The following TMEM63A variants were observed in gnomAD, a reference collection of about 807,000 sequenced individuals.
TMEM63A encodes the protein transmembrane protein 63A.
Under a neutral mutation model 100.6 loss-of-function variants are expected in TMEM63A, and 76 were observed. The observed-to-expected ratio is 0.76, with a 90% CI of 0.63 to 0.91. The LOEUF (loss-of-function observed/expected upper bound fraction) is 0.91. TMEM63A is among the 40% of genes least tolerant of loss of function. The pLI, the probability that TMEM63A is intolerant of heterozygous loss-of-function variation, is 0.00. For synonymous variants in TMEM63A, 401 were observed against 401.1 expected (o/e 1.00, Z 0.00); for missense variants, 876 against 1,008.8 (o/e 0.87, Z 1.78).
chr1:225,854,453 G>A (rs1465521729), intron 18 of TMEM63A, among the ~76,000 whole-genome samples: 6 of 152,172 alleles, frequency 3.9e-5, no homozygotes, highest in Non-Finnish European at 8.8e-5. Context: ...CTACTTTAGA[G>A]AGAGTTGTCA....
chr1:225,860,840 T>A lies in TMEM63A; in HGVS notation c.1223+20A>T. 6.3e-7 allele frequency: 1 copy of A among 1,585,274 alleles called. No homozygotes were observed. The highest frequency in any genetic ancestry group is 1.1e-5 in the South Asian group (1 of 87,376). On this transcript the variant is annotated intron_variant, in intron 14 of 24. Coordinates refer to ENST00000366835, the MANE Select transcript of TMEM63A (RefSeq NM_014698.3). ...GGAACCCAGGCCTCTCTCCCACCTC[T>A]CCTTGGTCTAGGAGCTTACCAGCAG...
Position 225,853,502 on chromosome 1 carries a change from T to C in TMEM63A, c.1797+127A>G. 1 of 1,006,440 alleles carries C rather than the reference T, an allele frequency of 9.9e-7. No homozygotes were observed. The highest frequency in any genetic ancestry group is 1.4e-6 in the Non-Finnish European group (1 of 716,986). 62.3% of individuals were successfully genotyped at this position (1,006,440 alleles called of 1,614,324 possible). The stretch of plus-strand genomic sequence containing the variant: ...TTTGAGAAGCACTTAGCCCAGTGCC[T>C]GCACTAGTGGGTAGTCAGGTAAATG... On this transcript the variant is annotated intron_variant, in intron 19 of 24. Transcript: ENST00000366835. This position sits in a 1 kb window ranked among gnomAD's most constrained non-coding sequence, Gnocchi z 4.0.
Position 225,857,037 on chromosome 1 carries a change from CAG to C in TMEM63A, c.1378-22_1378-21del, listed in dbSNP as rs1442699318. 5.1e-6 allele frequency: 8 copies of C among 1,554,592 alleles called. No homozygotes were observed. In the African/African-American group the frequency reaches 5.6e-5, roughly 11 times the overall value. ...CGGGTTCTAGGAGAAAGGTCCACAGCAGAGAGAGTCACAGGGGCCGTGGGCCA... is the reference window on the plus strand; with the variant it reads ...CGGGTTCTAGGAGAAAGGTCCACAGCAGAGAGTCACAGGGGCCGTGGGCCA... On this transcript the variant is annotated intron_variant, in intron 15 of 24. Transcript: ENST00000366835.
rs942669306 is a variant in TMEM63A, at chr1:225,852,732, G to A, written c.1835C>T (p.Ala612Val). The A allele has an allele frequency of 6.2e-7, 1 of 1,613,922 alleles. No individual in the cohort carries two copies. Among genetic ancestry groups the A allele is most frequent in the African/African-American group, 1.3e-5 (1 of 74,934 alleles). ...GACAGTGAAGACACACAGCATCCAT[G>A]CATACATGGCTCCAAACTCGTACTG... is the stretch of plus-strand genomic sequence containing the variant. ...AFQYEFGAMY[A>V]WMLCVFTVIV... is the part of the protein sequence containing the mutation. The change falls in exon 20 of 25, where the codon GCA becomes GTA. Residue 612 changes from alanine (A) to valine (V), a missense_variant. By Grantham distance (64) the Ala-to-Val change is moderately conservative (BLOSUM62 0). This residue lies in a region of TMEM63A where 339 missense variants were observed against 342.3 expected (regional missense o/e 0.99). Coordinates refer to ENST00000366835, the MANE Select transcript of TMEM63A (RefSeq NM_014698.3).
chr1:225,851,411 T>C (rs1669335254), intron 20 of TMEM63A, among the ~76,000 whole-genome samples: 1 of 152,084 alleles, frequency 6.6e-6, no homozygotes, highest in Non-Finnish European at 1.5e-5. Context: ...CGCTCATTGG[T>C]CAGGCTGGAG....
chr1:225,852,546 T>C (rs1669399196), intron 20 of TMEM63A, 118 bp downstream of exon 20: 1 of 877,566 alleles, frequency 1.1e-6, no homozygotes, highest in South Asian at 1.5e-5. Context: ...CTTGTGGCTC[T>C]TGTGGCTGTG....
intron 20 of TMEM63A, among the ~76,000 whole-genome samples, chr1:225,852,302 T>C (rs1042437271): frequency 1.3e-5 from 2 of 152,156 alleles, no homozygotes; most frequent in African/African-American, 2.4e-5. Context: ...CTGGCCAACA[T>C]GGTGAAACCC....
rs761344226 is a variant in TMEM63A at position 225,877,447 on chromosome 1, A to AC, written c.133dup (p.Val45GlyfsTer64). ...GACAGTGGGGATGCCACCAAAGGTGACCCCCTGGAGCACGGTGCTGTTTTT... is the reference window on the plus strand; with the variant it reads ...GACAGTGGGGATGCCACCAAAGGTGACCCCCCTGGAGCACGGTGCTGTTTTT... On this transcript the variant is annotated frameshift_variant, in exon 3 of 25. Transcript: ENST00000366835. LOFTEE classifies it high-confidence loss of function. 4.3e-6 allele frequency: 7 copies of AC among 1,614,114 alleles called. No individual in the cohort carries two copies. The highest frequency in any genetic ancestry group is 5.9e-6 in the Non-Finnish European group (7 of 1,180,034).
At chr1:225,874,422 G>C in intron 3 of TMEM63A, 55 bp from the exon 4 acceptor site, 1 of 1,517,734 alleles carries the variant, frequency 6.6e-7, no homozygotes, top group South Asian at 1.1e-5. Flanking sequence ...CTCATTAGAA[G>C]ACACAGCGGT....
Position 225,862,834 on chromosome 1 carries a change from C to A in TMEM63A, c.764G>T (p.Cys255Phe). 1 of 1,613,922 alleles carries A rather than the reference C, an allele frequency of 6.2e-7. No homozygotes were observed. Among genetic ancestry groups the A allele is most frequent in the Middle Eastern group, 1.6e-4 (1 of 6,062 alleles). ...ESHFRDAYPT[C>F]EVVDVQLCYN... is the part of the protein sequence containing the mutation. ...GCACAGCTGCACATCAACCACCTCA[C>A]ACGTGGGATACGCGTCCCTGTGGCC... Residue 255 changes from cysteine to phenylalanine, a missense_variant, in exon 11 of 25, where the codon TGT becomes TTT. By Grantham distance (205) the Cys-to-Phe change is radical. Coordinates refer to ENST00000366835, the MANE Select transcript of TMEM63A (RefSeq NM_014698.3). The surrounding 1 kb of genome is among the most constrained non-coding windows in gnomAD (Gnocchi z 5.1).
intron 14 of TMEM63A, 139 bp downstream of exon 14, chr1:225,860,721 C>G: frequency 8.9e-7 from 1 of 1,126,570 alleles, no homozygotes; most frequent in Non-Finnish European, 1.2e-6. Context: ...CCGAGCACAT[C>G]ACAGCATCAC....
chr1:225,855,805 C>T (rs1669584132), intron 18 of TMEM63A, 73 bp downstream of exon 18: 9 of 1,501,738 alleles, frequency 6.0e-6, no homozygotes, highest in Non-Finnish European at 8.3e-6. Context: ...CCCACCCATC[C>T]CACTGCAGCC....
At position 225,847,166 on chromosome 1, in the gene TMEM63A, T is replaced by G; in HGVS notation, c.2298A>C (p.Ala766=). ...GCTGCTGCTGCTGCTGCGGAGACAG[T>G]GCTGTCCTCTCCGAGGCCAAGCCGT... The part of the protein sequence containing the change: ...ILNGLASERT[A]LSPQQQQQQT... The change falls in exon 24 of 25, where the codon GCA becomes GCC. Residue 766 remains alanine (A), a synonymous_variant. Transcript: ENST00000366835. 1.2e-6 allele frequency: 2 copies of G among 1,613,332 alleles called. No homozygotes were observed. The highest frequency in any genetic ancestry group is 1.7e-6 in the Non-Finnish European group (2 of 1,179,914).
At chr1:225,844,710 G>A, downstream of TMEM63A, 1 of 1,579,874 alleles carries the variant, frequency 6.3e-7, no homozygotes, top group Non-Finnish European at 8.6e-7. Context: ...GGCACTTGGT[G>A]GTGGGATAAG....
chr1:225,849,927 A>T lies in TMEM63A; in HGVS notation c.2056T>A (p.Ser686Thr). ...GGCTGCTCACCCAGGCGCAGGAAGGAAAAGAAGTAGAGCCAGAAGAGGCAC... is the reference window on the plus strand; with the variant it reads ...GGCTGCTCACCCAGGCGCAGGAAGGTAAAGAAGTAGAGCCAGAAGAGGCAC... ...ILCLFWLYFFSFLRLGMKAPA... is the reference protein window; with the variant it reads ...ILCLFWLYFFTFLRLGMKAPA... The change falls in exon 21 of 25, where the codon TCC becomes ACC. Residue 686 changes from serine to threonine, a missense_variant. By Grantham distance (58) the Ser-to-Thr change is moderately conservative (BLOSUM62 1). Around this residue, in one of 5 missense-constraint regions of TMEM63A, gnomAD observed 339 missense variants for 342.3 expected, o/e 0.99. Transcript: ENST00000366835. 3.7e-6 allele frequency: 6 copies of T among 1,614,032 alleles called. No individual in the cohort carries two copies. Among genetic ancestry groups the T allele is most frequent in the Non-Finnish European group, 5.1e-6 (6 of 1,180,002 alleles).
chr1:225,854,925 G>A (rs572630809), intron 18 of TMEM63A, among the ~76,000 whole-genome samples: 3 of 152,290 alleles, frequency 2.0e-5, no homozygotes, highest in Admixed American at 6.5e-5. Context: ...GCCGAGCTTC[G>A]AGGAGGAAGG....
At chr1:225,857,773 G>A (rs1239074394) in intron 15 of TMEM63A, among the ~76,000 whole-genome samples, 1 of 152,192 alleles carries the variant, frequency 6.6e-6, no homozygotes, top group Non-Finnish European at 1.5e-5. Flanking sequence ...AAATAAGGGT[G>A]TGGTTGATGT....
Position 225,877,981 on chromosome 1 carries a change from G to A in TMEM63A, c.-14-387C>T, listed in dbSNP as rs141750870. Among the ~76,000 whole-genome samples, 11 of 152,066 alleles carry A rather than the reference G, an allele frequency of 7.2e-5. No individual in the cohort carries two copies. In the East Asian group the frequency reaches 1.2e-3, roughly 16 times the overall value. On this transcript the variant is annotated intron_variant, in intron 2 of 24. Transcript: ENST00000366835. ...AGTCACTCCTGCAGAAGCCACTGGC[G>A]GATCTAGAGTACAGGCAGAGGAGAG... is the stretch of plus-strand genomic sequence containing the variant.
At chr1:225,861,896 A>C in intron 13 of TMEM63A, 1 of 371,432 alleles carries the variant, frequency 2.7e-6, no homozygotes, top group Non-Finnish European at 5.1e-6. Context: ...CCCTGGGGCA[A>C]GGCTGGCACA....
Sources: allele counts gnomAD v4.1 joint callset (sites outside exome capture counted in the v4.1 genomes callset), GRCh38; gene constraint gnomAD v4.1.1; regional missense constraint gnomAD v4.1.1; non-coding constraint Gnocchi (gnomAD v3.1); transcripts MANE v1.5; gene names NCBI Gene and HGNC (gene_info 2026-07-23, HGNC 2026-07-21).